AKT1: variants seen among roughly 807,000 people sequenced by gnomAD.
AKT1 encodes AKT serine/threonine kinase 1.
In AKT1, 21 loss-of-function variants were observed where a neutral mutation model predicts 63.1. The ratio of observed to expected loss-of-function variants is 0.33; its 90% CI spans 0.24 to 0.48. The LOEUF is 0.48. Among genes scored for constraint, AKT1 ranks in the 20% least tolerant of loss-of-function variants. The pLI is 0.99. For missense variants in AKT1, 382 were observed against 666.0 expected (o/e 0.57, Z 4.69); for synonymous variants, 257 against 253.1 (o/e 1.02, Z -0.15).
chr14:104,782,176 AC>A (rs1893088600), intron 3 of AKT1, among the ~76,000 whole-genome samples: 1 of 108,628 alleles, frequency 9.2e-6, no homozygotes, highest in African/African-American at 3.6e-5. Context: ...CATGCAGCCC[AC>A]CCCACCCGTC....
chr14:104,775,051 C>T (rs751478876), intron 7 of AKT1, 25 bp downstream of exon 7: 1 of 1,613,468 alleles, frequency 6.2e-7, no homozygotes, highest in South Asian at 1.1e-5. Context: ...CTCATCTCCA[C>T]CCTGCCCCAC....
At chr14:104,791,469 C>T (rs1385478036) in intron 3 of AKT1, among the ~76,000 whole-genome samples, 2 of 152,110 alleles carry the variant, frequency 1.3e-5, no homozygotes, top group Non-Finnish European at 2.9e-5. Flanking sequence ...CTCGAGGCCC[C>T]GCGTGCCATC....
At chr14:104,770,585 C>T (rs1326146561) in intron 14 of AKT1, 160 bp downstream of exon 14, 1 of 914,494 alleles carries the variant, frequency 1.1e-6, no homozygotes, top group East Asian at 2.6e-5. Context: ...CCTGGGCCCT[C>T]AGAGCACTGC....
At chr14:104,772,752 A>G in intron 12 of AKT1, 126 bp downstream of exon 12, 1 of 1,120,826 alleles carries the variant, frequency 8.9e-7, no homozygotes, top group Admixed American at 2.4e-5. Flanking sequence ...AGCCCTGGCC[A>G]AGGACATCAA....
intron 4 of AKT1, chr14:104,777,771 G>A (rs1345292444): frequency 7.1e-6 from 7 of 985,044 alleles, no homozygotes; most frequent in Non-Finnish European, 8.4e-6. Flanking sequence ...AACCACAAGG[G>A]GGCCTGGCCA....
intron 4 of AKT1, among the ~76,000 whole-genome samples, chr14:104,779,801 C>T (rs1892933440): frequency 6.7e-6 from 1 of 149,986 alleles, no homozygotes; most frequent in Admixed American, 6.6e-5. Context: ...GCCCAGCCAG[C>T]CTCGGCCTCG....
chr14:104,775,789 T>C lies in AKT1; in HGVS notation c.298A>G (p.Thr100Ala). Residue 100 changes from threonine (T) to alanine (A), a missense_variant, in exon 6 of 15, where the codon ACA (threonine) becomes GCA (alanine). Transcript: ENST00000649815. ...TCAGCCACAGTCTGGATGGCGGTTG[T>C]CCACTCCTCCCTGCAGGAGGTCAGG... ...VETPEEREEW[T>A]TAIQTVADGL... 2 of 1,613,914 alleles carry C rather than the reference T, an allele frequency of 1.2e-6. No homozygotes were observed. The highest frequency in any genetic ancestry group is 1.7e-6 in the Non-Finnish European group (2 of 1,179,910).
intron 3 of AKT1, among the ~76,000 whole-genome samples, chr14:104,785,805 G>A (rs954354797): frequency 6.6e-6 from 1 of 152,120 alleles, no homozygotes; most frequent in Non-Finnish European, 1.5e-5. Context: ...GCGGGCAGGC[G>A]GCACCACCAT....
At chr14:104,791,473 T>C (rs1893624731) in intron 3 of AKT1, among the ~76,000 whole-genome samples, 1 of 152,086 alleles carries the variant, frequency 6.6e-6, no homozygotes, top group South Asian at 2.1e-4. Flanking sequence ...AGGCCCCGCG[T>C]GCCATCACTG....
intron 5 of AKT1, 87 bp from the exon 6 acceptor site, chr14:104,775,886 G>A (rs577221884): frequency 1.2e-4 from 176 of 1,513,044 alleles, no homozygotes; most frequent in East Asian, 3.6e-4. Context: ...CCTCACAAGC[G>A]TGGTTCCACA....
intron 13 of AKT1, 188 bp downstream of exon 13, chr14:104,772,177 C>T (rs1286678957): frequency 6.3e-6 from 4 of 638,110 alleles, no homozygotes; most frequent in Non-Finnish European, 1.1e-5. Flanking sequence ...TGGAACCCGG[C>T]AGTGCCAGAG....
chr14:104,789,652 CA>C lies in AKT1; in HGVS notation c.46+2945del, dbSNP rs1893523331. ...ATCTTTGAAAATGCAAACGTCTGAG[CA>C]ACACTGAGCCCACCAGACCACCAAT... is the stretch of plus-strand genomic sequence containing the variant. On this transcript the variant is annotated intron_variant, in intron 3 of 14. Transcript: ENST00000649815. Among the ~76,000 whole-genome samples the C allele has an allele frequency of 2.6e-5, 4 of 152,336 alleles. No homozygotes were observed. The South Asian group carries it at 8.3e-4, about 32-fold the overall frequency.
chr14:104,782,499 G>A (rs1893110906), intron 3 of AKT1, among the ~76,000 whole-genome samples: 1 of 152,198 alleles, frequency 6.6e-6, no homozygotes, highest in African/African-American at 2.4e-5. Context: ...TGCATCTGGG[G>A]GGTTCTGGGA....
In AKT1 at chr14:104,770,142, G is replaced by A. The variant is rs909012059; in HGVS notation, c.*199C>T. ...AACTGGATGAAATAAATTAAAACCC[G>A]CAGGATAGTTTTCTTCCCTACCCCG... On this transcript the variant is annotated 3_prime_UTR_variant, in exon 15 of 15. Coordinates refer to ENST00000649815, the MANE Select transcript of AKT1 (RefSeq NM_001382430.1). 1.5e-5 allele frequency: 9 copies of A among 618,050 alleles called. No homozygotes were observed. The highest frequency in any genetic ancestry group is 1.4e-4 in the Admixed American group (5 of 36,730). 38.3% of individuals were successfully genotyped at this position (618,050 alleles called of 1,614,324 possible).
intron 3 of AKT1, among the ~76,000 whole-genome samples, chr14:104,783,424 C>T (rs1893170170): frequency 6.6e-6 from 1 of 152,080 alleles, no homozygotes; most frequent in Non-Finnish European, 1.5e-5. Flanking sequence ...CCTCGTCCTC[C>T]ACACCGACCA....
chr14:104,780,737 A>G (rs1295856415), intron 3 of AKT1, among the ~76,000 whole-genome samples: 1 of 128,596 alleles, frequency 7.8e-6, no homozygotes, highest in Admixed American at 7.2e-5. Context: ...GCCGCCACCC[A>G]CCAGGAGGAT....
intron 3 of AKT1, among the ~76,000 whole-genome samples, chr14:104,792,157 G>A (rs569418033): frequency 3.3e-5 from 5 of 152,300 alleles, no homozygotes; most frequent in East Asian, 3.9e-4. Flanking sequence ...GTGCCCAGGC[G>A]GTACGGATTC....
At chr14:104,794,682 G>A (rs1327936892) in intron 1 of AKT1, among the ~76,000 whole-genome samples, 2 of 152,232 alleles carry the variant, frequency 1.3e-5, no homozygotes, top group Non-Finnish European at 2.9e-5. Flanking sequence ...CCCTTCGCTC[G>A]GATGAGGGAC....
intron 13 of AKT1, chr14:104,771,673 G>A (rs1361907800): frequency 1.3e-5 from 3 of 235,502 alleles, no homozygotes; most frequent in South Asian, 1.8e-4. Flanking sequence ...ACACAGCCTA[G>A]GACAGGCATT....
Sources: allele counts gnomAD v4.1 joint callset (sites outside exome capture counted in the v4.1 genomes callset), GRCh38; gene constraint gnomAD v4.1.1; transcripts MANE v1.5; gene names NCBI Gene and HGNC (gene_info 2026-07-23, HGNC 2026-07-21).